The following SMC5 variants were observed in gnomAD, a reference collection of about 807,000 sequenced individuals.
SMC5 encodes structural maintenance of chromosomes protein 5.
In SMC5, 88 loss-of-function variants were observed where a neutral mutation model predicts 148.3. The observed-to-expected ratio is 0.59, with a 90% CI of 0.50 to 0.71. The LOEUF is 0.71. Ranked by LOEUF, SMC5 falls within the 30% of genes least tolerant of loss-of-function variation. SMC5 has a pLI of 0.00. For synonymous variants in SMC5, 421 were observed against 432.8 expected (o/e 0.97, Z 0.34); for missense variants, 1,142 against 1,298.9 (o/e 0.88, Z 1.86).
At chr9:70,323,701 GTTTT>G in intron 16 of SMC5, 95 bp downstream of exon 16, 1 of 1,341,730 alleles carries the variant, frequency 7.5e-7, no homozygotes, top group Non-Finnish European at 1.0e-6. Flanking sequence ...TTTGATTAAG[GTTTT>G]TGACATTTTA....
At position 70,300,174 on chromosome 9, in the gene SMC5, A is replaced by G. The variant is rs2035320667; in HGVS notation, c.1438A>G (p.Arg480Gly). The G allele has an allele frequency of 3.8e-6, 6 of 1,598,682 alleles. No homozygotes were observed. The South Asian group carries it at 5.7e-5, about 15-fold the overall frequency. Residue 480 changes from arginine to glycine, a missense_variant, in exon 10 of 25, where the codon AGA (arginine) becomes GGA (glycine). By Grantham distance (125) the Arg-to-Gly change is moderately radical. Transcript: ENST00000361138. The part of the protein sequence containing the change: ...LRNNRDKFKQ[R>G]VCEPIMLTIN... ...AAATAACAGAGACAAATTTAAACAA[A>G]GAGTCTGTGAGCCCATAATGCTCAC...
intron 11 of SMC5, among the ~76,000 whole-genome samples, chr9:70,310,688 T>C (rs553918448): frequency 2.2e-4 from 33 of 152,224 alleles, no homozygotes; most frequent in Non-Finnish European, 4.6e-4. Flanking sequence ...GTTATGAAAG[T>C]CCTAGATGGC....
chr9:70,264,219 A>T, intron 1 of SMC5, 85 bp from the exon 2 acceptor site: 1 of 1,228,590 alleles, frequency 8.1e-7, no homozygotes, highest in East Asian at 2.6e-5. Context: ...TTTTTAAAGG[A>T]ATTTGAGGAA....
chr9:70,283,978 A>G (rs549993551), intron 7 of SMC5, among the ~76,000 whole-genome samples: 26 of 152,314 alleles, frequency 1.7e-4, no homozygotes, highest in Non-Finnish European at 2.9e-4. Context: ...TTCGATTTCT[A>G]GATGTGATTG....
intron 18 of SMC5, among the ~76,000 whole-genome samples, chr9:70,345,818 A>G (rs1187767927): frequency 6.6e-6 from 1 of 152,160 alleles, no homozygotes; most frequent in African/African-American, 2.4e-5. Context: ...AGGATAAAGT[A>G]GGGATACAAG....
At chr9:70,350,025 C>T in intron 22 of SMC5, 89 bp from the exon 23 acceptor site, 1 of 886,806 alleles carries the variant, frequency 1.1e-6, no homozygotes, top group Non-Finnish European at 1.6e-6. Context: ...GTTCTTTACT[C>T]TTACTCAGTT....
intron 17 of SMC5, among the ~76,000 whole-genome samples, chr9:70,331,179 A>G (rs1188137104): frequency 6.6e-6 from 1 of 152,186 alleles, no homozygotes; most frequent in Non-Finnish European, 1.5e-5. Flanking sequence ...TTAAATTTAA[A>G]TTCAAATTTA....
Position 70,282,518 on chromosome 9 carries a change from G to A in SMC5, c.916G>A (p.Val306Ile), listed in dbSNP as rs1180116. ...VRKLKEGQIP[V>I]TCRIEEMENE... The stretch of plus-strand genomic sequence containing the variant: ...AAAACTTAAAGAAGGGCAGATTCCT[G>A]TAACATGTCGAATTGAAGAAATGGA... The change falls in exon 7 of 25, where the codon GTA becomes ATA. Residue 306 changes from valine (V) to isoleucine (I), a missense_variant. This residue lies in a region of SMC5 where 743 missense variants were observed against 835.7 expected (regional missense o/e 0.89). Coordinates refer to ENST00000361138, the MANE Select transcript of SMC5 (RefSeq NM_015110.4). 1,442,985 of 1,605,124 alleles carry A rather than the reference G, an allele frequency of 0.9. 649,494 individuals are homozygous for A. The highest frequency in any genetic ancestry group is 0.91 in the Non-Finnish European group (1,071,576 of 1,176,838).
intron 8 of SMC5, among the ~76,000 whole-genome samples, chr9:70,288,842 C>CT (rs898070360): frequency 2.0e-5 from 3 of 151,240 alleles, no homozygotes; most frequent in African/African-American, 2.4e-5. Flanking sequence ...TTTTTTGAGA[C>CT]TTTTTTTTGG....
chr9:70,352,413 C>G lies in SMC5; in HGVS notation c.*82C>G. 2 of 1,356,148 alleles carry G rather than the reference C, an allele frequency of 1.5e-6. No individual in the cohort carries two copies. Among genetic ancestry groups the G allele is most frequent in the Non-Finnish European group, 2.0e-6 (2 of 1,006,724 alleles). 84.0% of individuals were successfully genotyped at this position (1,356,148 alleles called of 1,614,324 possible). ...TGGCTCAACTGAATAAAAGGAGATTCACTAAAACGAAAAGCAGTTATTTTT... is the reference window on the plus strand; with the variant it reads ...TGGCTCAACTGAATAAAAGGAGATTGACTAAAACGAAAAGCAGTTATTTTT... On this transcript the variant is annotated 3_prime_UTR_variant, in exon 25 of 25. Transcript: ENST00000361138.
intron 17 of SMC5, among the ~76,000 whole-genome samples, chr9:70,330,125 C>T (rs936860040): frequency 6.6e-6 from 1 of 152,088 alleles, no homozygotes; most frequent in African/African-American, 2.4e-5. Context: ...CAGAGCCAAA[C>T]CATATCAAAT....
chr9:70,335,053 G>C (rs989403696), intron 17 of SMC5, among the ~76,000 whole-genome samples: 5 of 152,318 alleles, frequency 3.3e-5, no homozygotes, highest in African/African-American at 1.2e-4. Context: ...TACGCCACTG[G>C]TGGGAATTTA....
Position 70,282,505 on chromosome 9 carries a change from A to C in SMC5, c.903A>C (p.Glu301Asp), listed in dbSNP as rs746967130. 1 of 1,609,312 alleles carries C rather than the reference A, an allele frequency of 6.2e-7. No individual in the cohort carries two copies. The highest frequency in any genetic ancestry group is 8.5e-7 in the Non-Finnish European group (1 of 1,178,414). ...RVKEEVRKLK[E>D]GQIPVTCRIE... ...AGGAAGAGGTCAGAAAACTTAAAGA[A>C]GGGCAGATTCCTGTAACATGTCGAA... Residue 301 changes from glutamate (E) to aspartate (D), a missense_variant, in exon 7 of 25, where the codon GAA (glutamate) becomes GAC (aspartate). Glu to Asp is a conservative substitution (Grantham distance 45). Around this residue, in one of 5 missense-constraint regions of SMC5, gnomAD observed 743 missense variants for 835.7 expected, o/e 0.89. Coordinates refer to ENST00000361138, the MANE Select transcript of SMC5 (RefSeq NM_015110.4).
At chr9:70,321,488 G>A (rs2035945685) in intron 15 of SMC5, among the ~76,000 whole-genome samples, 1 of 151,246 alleles carries the variant, frequency 6.6e-6, no homozygotes, top group South Asian at 2.1e-4. Context: ...GAACTCTTGG[G>A]CTCAAGCAAT....
Position 70,300,078 on chromosome 9 carries a change from C to G in SMC5, c.1342C>G (p.Leu448Val). ...CGATCATATTGTACGTTTTGACAAT[C>G]TTATGAATCAGAAGGAAGATAAGCT... ...VDDHIVRFDN[L>V]MNQKEDKLRQ... The change falls in exon 10 of 25, where the codon CTT becomes GTT. Residue 448 changes from leucine (L) to valine (V), a missense_variant. Physicochemically the swap from Leu to Val is conservative, Grantham distance 32 (BLOSUM62 1). Transcript: ENST00000361138. 1 of 1,593,380 alleles carries G rather than the reference C, an allele frequency of 6.3e-7. No individual in the cohort carries two copies. The highest frequency in any genetic ancestry group is 1.2e-5 in the South Asian group (1 of 86,588).
chr9:70,332,520 T>G (rs1486562548), intron 17 of SMC5, among the ~76,000 whole-genome samples: 1 of 63,366 alleles, frequency 1.6e-5, no homozygotes, highest in Non-Finnish European at 3.5e-5. Context: ...TGAGACCCTG[T>G]CTCAAAAAAA....
intron 3 of SMC5, among the ~76,000 whole-genome samples, chr9:70,270,165 A>T (rs2034404801): frequency 6.6e-6 from 1 of 152,146 alleles, no homozygotes; most frequent in Non-Finnish European, 1.5e-5. Flanking sequence ...ACCAGCTGTA[A>T]ATTGAGGTTC....
chr9:70,286,136 A>C (rs1020022602), intron 7 of SMC5, 64 bp from the exon 8 acceptor site: 6 of 965,810 alleles, frequency 6.2e-6, no homozygotes, highest in African/African-American at 1.6e-5. Flanking sequence ...GGGCAGGGCC[A>C]TATAATTTGC....
intron 3 of SMC5, 46 bp downstream of exon 3, chr9:70,268,021 A>G (rs1405779915): frequency 6.8e-7 from 1 of 1,460,328 alleles, no homozygotes; most frequent in Non-Finnish European, 9.5e-7. Context: ...TAAAATTCTT[A>G]GTTTATATTC....
Sources: allele counts gnomAD v4.1 joint callset (sites outside exome capture counted in the v4.1 genomes callset), GRCh38; gene constraint gnomAD v4.1.1; regional missense constraint gnomAD v4.1.1; transcripts MANE v1.5; gene names NCBI Gene and HGNC (gene_info 2026-07-23, HGNC 2026-07-21).